The following ANKAR variants were observed in gnomAD, a reference collection of about 807,000 sequenced individuals.
ANKAR encodes ankyrin and armadillo repeat-containing protein.
Under a neutral mutation model 146.2 loss-of-function variants are expected in ANKAR, and 136 were observed. That is an observed-to-expected ratio of 0.93 (90% CI 0.81 to 1.07). The LOEUF (loss-of-function observed/expected upper bound fraction) is 1.07, where lower values mean the gene tolerates loss of function less well. Among genes scored for constraint, ANKAR ranks in the 50% least tolerant of loss-of-function variants. The pLI, the probability that ANKAR is intolerant of heterozygous loss-of-function variation, is 0.00. For missense variants in ANKAR, 1,567 were observed against 1,679.9 expected, an observed-to-expected ratio of 0.93 and a Z score of 1.18; for synonymous variants, 500 against 575.8, an observed-to-expected ratio of 0.87 and a Z score of 1.88.
chr2:189,675,186 T>C (rs2033337893), intron 1 of ANKAR, among the ~76,000 whole-genome samples: 2 of 43,844 alleles, frequency 4.6e-5, no homozygotes, highest in East Asian at 7.4e-4. Flanking sequence ...CCAGGTGATT[T>C]TGATACAAGC....
rs1451022061 is a variant in ANKAR, at chr2:189,689,810, A to G, written c.885A>G (p.Gln295=). ...YQRLQQRLYL[Q]KKIIQKHFEK... ...GACTACAGCAAAGATTATATCTTCA[A>G]AAAAAGATTATTCAAAAACACTTTG... The change falls in exon 3 of 23, where the codon CAA becomes CAG. Residue 295 remains glutamine, a synonymous_variant. Transcript: ENST00000684021. The G allele has an allele frequency of 1.2e-6, 2 of 1,606,322 alleles. No homozygotes were observed.
chr2:189,760,217 T>A (rs1574924344), intron 18 of ANKAR, among the ~76,000 whole-genome samples: 1 of 152,342 alleles, frequency 6.6e-6, no homozygotes, highest in East Asian at 1.9e-4. Context: ...TTCCCCCTTT[T>A]CTATTCGACA....
rs150736785 is a variant in ANKAR, at chr2:189,758,914, C to T, written c.*585-2184C>T. Among the ~76,000 whole-genome samples the T allele has an allele frequency of 7.9e-5, 12 of 152,286 alleles. No individual in the cohort carries two copies. The East Asian group carries it at 2.1e-3, about 27-fold the overall frequency. On this transcript the variant is annotated intron_variant and NMD_transcript_variant, in intron 18 of 18. Coordinates refer to the ANKAR transcript ENST00000441800. ...AGTGGTCAGGGTAGTCCTTTCTGTG[C>T]CATTAACTTTTACATGTTCAAAAGT...
chr2:189,761,761 G>A, downstream of ANKAR: 1 of 1,249,964 alleles, frequency 8.0e-7, no homozygotes, highest in Non-Finnish European at 1.1e-6. Context: ...GTTTGTAAAA[G>A]TCACCAAAAG....
intron 7 of ANKAR, among the ~76,000 whole-genome samples, chr2:189,697,721 A>T (rs551630650): frequency 6.6e-6 from 1 of 152,174 alleles, no homozygotes; most frequent in East Asian, 1.9e-4. Flanking sequence ...AAAGTTTCTC[A>T]TGCGCCCTCT....
At chr2:189,761,798 A>G, downstream of ANKAR, 1 of 772,458 alleles carries the variant, frequency 1.3e-6, no homozygotes, top group Non-Finnish European at 1.9e-6. Context: ...CAACATGGGA[A>G]TATAAATAAT....
chr2:189,741,579 C>A, intron 20 of ANKAR, 128 bp downstream of exon 20: 1 of 522,094 alleles, frequency 1.9e-6, no homozygotes, highest in South Asian at 3.6e-5. Context: ...ATTACTAACT[C>A]AAAATTACAT....
chr2:189,754,300 T>C (rs761723198), intron 18 of ANKAR: 2 of 1,613,668 alleles, frequency 1.2e-6, no homozygotes, highest in African/African-American at 1.3e-5. Context: ...CCACCACTCA[T>C]GGTGGAGCAC....
intron 22 of ANKAR, 40 bp downstream of exon 22, chr2:189,744,828 CCAGA>C (rs2105909338): frequency 7.0e-7 from 1 of 1,425,144 alleles, no homozygotes; most frequent in East Asian, 2.3e-5. Context: ...ACCTTCTAGC[CCAGA>C]CACTTTATAA....
At chr2:189,675,714 CAT>C (rs2105707805) in intron 1 of ANKAR, among the ~76,000 whole-genome samples, 1 of 152,238 alleles carries the variant, frequency 6.6e-6, no homozygotes, top group African/African-American at 2.4e-5. Flanking sequence ...AATAAATATC[CAT>C]ATGATTTGGA....
chr2:189,750,461 AAT>A (rs1186277300), downstream of ANKAR: 2 of 586,318 alleles, frequency 3.4e-6, no homozygotes, highest in Non-Finnish European at 5.9e-6. Context: ...GAAAAAAAAA[AAT>A]AAAATCTTGA....
chr2:189,755,044 G>T, intron 18 of ANKAR: 1 of 1,089,494 alleles, frequency 9.2e-7, no homozygotes, highest in Non-Finnish European at 1.3e-6. Flanking sequence ...CTCACCATAT[G>T]TGAATTTTTT....
At chr2:189,683,001 T>C (rs564743080) in intron 2 of ANKAR, among the ~76,000 whole-genome samples, 1 of 152,250 alleles carries the variant, frequency 6.6e-6, no homozygotes, top group East Asian at 1.9e-4. Flanking sequence ...GGGTGATTAG[T>C]TCATAAAGGC....
rs367553593 is a variant in ANKAR at position 189,696,173 on chromosome 2, C to T, written c.1512C>T (p.Ser504=). The change falls in exon 7 of 23, where the codon TCC becomes TCT. Residue 504 remains serine (S), a synonymous_variant. Coordinates refer to ENST00000684021, the MANE Select transcript of ANKAR (RefSeq NM_001378068.1). ...AGAGTATTCCATTTGGTATGAAGTCCGCTGTTGAAAGAGGGTTGTCTGCAG... is the reference window on the plus strand; with the variant it reads ...AGAGTATTCCATTTGGTATGAAGTCTGCTGTTGAAAGAGGGTTGTCTGCAG... ...KCKSIPFGMK[S]AVERGLSAVF... 222 of 1,613,758 alleles carry T rather than the reference C, an allele frequency of 1.4e-4. No homozygotes were observed. Among genetic ancestry groups the T allele is most frequent in the Non-Finnish European group, 1.8e-4 (209 of 1,179,984 alleles).
At chr2:189,684,419 C>T (rs1295022253) in intron 2 of ANKAR, among the ~76,000 whole-genome samples, 1 of 152,006 alleles carries the variant, frequency 6.6e-6, no homozygotes, top group East Asian at 1.9e-4. Flanking sequence ...TTCTTTCTTC[C>T]TTATTAGACA....
chr2:189,675,020 T>C (rs903228851), intron 1 of ANKAR, among the ~76,000 whole-genome samples, 190 bp downstream of exon 1: 1 of 152,094 alleles, frequency 6.6e-6, no homozygotes, highest in East Asian at 1.9e-4. Context: ...CATAACAAGG[T>C]CTGACTCACT....
chr2:189,714,802 C>T (rs2040191853), intron 10 of ANKAR, among the ~76,000 whole-genome samples: 1 of 151,852 alleles, frequency 6.6e-6, no homozygotes, highest in African/African-American at 2.4e-5. Context: ...AAAAATTAGC[C>T]AGGCGTGGTG....
chr2:189,720,257 C>G (rs1401372448), intron 11 of ANKAR, among the ~76,000 whole-genome samples: 4 of 146,626 alleles, frequency 2.7e-5, no homozygotes, highest in African/African-American at 7.5e-5. Context: ...TTCTTTTTTT[C>G]TTTTTTTTTT....
At chr2:189,746,017 T>C (rs2044109118) in intron 22 of ANKAR, among the ~76,000 whole-genome samples, 1 of 152,172 alleles carries the variant, frequency 6.6e-6, no homozygotes, top group South Asian at 2.1e-4. Flanking sequence ...TGTAGTAACA[T>C]AAGAAAAAAT....
Sources: gnomAD v4.1 joint callset for allele counts (sites outside exome capture counted in the v4.1 genomes callset) on GRCh38, gnomAD v4.1.1 for gene constraint, MANE v1.5 for transcripts, NCBI Gene and HGNC (gene_info 2026-07-23, HGNC 2026-07-21) for gene names.